PHF12: variants seen among roughly 807,000 people sequenced by gnomAD.
PHF12 encodes the protein PHD factor 1.
Under a neutral mutation model 99.8 loss-of-function variants are expected in PHF12, and 6 were observed. The observed-to-expected ratio is 0.06, with a 90% CI of 0.03 to 0.12. The LOEUF is 0.12. PHF12 is among the 10% of genes least tolerant of loss of function. The pLI is 1.00. For missense variants in PHF12, 954 were observed against 1,300.1 expected, an observed-to-expected ratio of 0.73 and a Z score of 4.09; for synonymous variants, 480 against 514.9, an observed-to-expected ratio of 0.93 and a Z score of 0.92.
Position 28,924,021 on chromosome 17 carries a change from A to G in PHF12, c.603T>C (p.Tyr201=), listed in dbSNP as rs2040219245. The change falls in exon 4 of 15, where the codon TAT becomes TAC. Residue 201 remains tyrosine, a synonymous_variant. Coordinates refer to ENST00000332830, the MANE Select transcript of PHF12 (RefSeq NM_001033561.2). The part of the protein sequence containing the change: ...DEEPVAAEPD[Y]VQPQLRRPFE... ...AGGGCCGCCTCAGCTGGGGCTGCAC[A>G]TAGTCTGGCTCCGCTGCTACTGGTT... 2.5e-6 allele frequency: 4 copies of G among 1,614,178 alleles called. No individual in the cohort carries two copies. Among genetic ancestry groups the G allele is most frequent in the East Asian group, 2.2e-5 (1 of 44,876 alleles).
intron 8 of PHF12, 100 bp downstream of exon 8, chr17:28,913,779 G>T: frequency 6.8e-7 from 1 of 1,472,634 alleles, no homozygotes; most frequent in Non-Finnish European, 9.2e-7. Flanking sequence ...GAGGGTGGGT[G>T]GGGACTGGAA....
At chr17:28,921,262 C>G (rs1598133527) in intron 5 of PHF12, among the ~76,000 whole-genome samples, 1 of 152,092 alleles carries the variant, frequency 6.6e-6, no homozygotes. Context: ...AGTTTAGCCT[C>G]CAGGGCTAAT....
chr17:28,941,112 G>A (rs535185125), intron 2 of PHF12, among the ~76,000 whole-genome samples: 40 of 151,032 alleles, frequency 2.6e-4, no homozygotes, highest in African/African-American at 9.3e-4. Context: ...ATTTCCAGGA[G>A]CTTGTGCTGC....
chr17:28,949,763 G>A lies in PHF12; in HGVS notation c.248+302C>T. On this transcript the variant is annotated intron_variant, in intron 2 of 14. Transcript: ENST00000332830. This position sits in a 1 kb window ranked among gnomAD's most constrained non-coding sequence, Gnocchi z 4.6. ...CCGGAGCTCCTCCCCTTCCTCCCCC[G>A]CCACTGCCGGCTGTCCCCGGCCGGC... 1 of 272,180 alleles carries A rather than the reference G, an allele frequency of 3.7e-6. No homozygotes were observed. The highest frequency in any genetic ancestry group is 2.2e-5 in the African/African-American group (1 of 45,202). 16.9% of individuals were successfully genotyped at this position (272,180 alleles called of 1,614,324 possible).
rs141854068 is a variant in PHF12, at chr17:28,929,103, A to AAAC, written c.249-2043_249-2041dup. ...AGAGTGAGACTCTGTCTCAAAAACA[A>AAAC]AACAACAACAACAACAACAAAAACC... On this transcript the variant is annotated intron_variant, in intron 2 of 14. Coordinates refer to ENST00000332830, the MANE Select transcript of PHF12 (RefSeq NM_001033561.2). 3.0e-3 allele frequency among the ~76,000 whole-genome samples: 459 copies of AAAC among 151,458 alleles called. 1 individual carries two copies. The highest frequency in any genetic ancestry group is 9.8e-3 in the African/African-American group (405 of 41,170).
chr17:28,947,085 G>C (rs1451349338), intron 2 of PHF12, among the ~76,000 whole-genome samples: 1 of 151,874 alleles, frequency 6.6e-6, no homozygotes, highest in African/African-American at 2.4e-5. Flanking sequence ...CTGGGTTCAA[G>C]TGATTCTCCT....
At chr17:28,919,876 G>GC (rs1310148788) in intron 5 of PHF12, among the ~76,000 whole-genome samples, 1 of 152,192 alleles carries the variant, frequency 6.6e-6, no homozygotes, top group Non-Finnish European at 1.5e-5. Flanking sequence ...TTGGAGTACA[G>GC]CTAAAGTGGC....
chr17:28,918,292 AT>A (rs1013834160), intron 6 of PHF12, among the ~76,000 whole-genome samples: 2 of 152,006 alleles, frequency 1.3e-5, no homozygotes. Context: ...GCTTATGGTC[AT>A]TTTTTTTCTG....
rs2040279236 is a variant in PHF12, at chr17:28,926,673, G to A, written c.321+318C>T. ...CTCCATTTTCCATCAAGCTGGAGAA[G>A]CAGCCTTTGTTTTTCAGCCATGGAT... On this transcript the variant is annotated intron_variant, in intron 3 of 14. Transcript: ENST00000332830. The A allele has an allele frequency of 3.6e-6, 3 of 826,562 alleles. No individual in the cohort carries two copies. The South Asian group carries it at 5.2e-5, about 14-fold the overall frequency. 51.2% of individuals were successfully genotyped at this position (826,562 alleles called of 1,614,324 possible).
rs764984131 is a variant in PHF12 at position 28,949,499 on chromosome 17, C to A, written c.248+566G>T. Among the ~76,000 whole-genome samples, 1 of 152,166 alleles carries A rather than the reference C, an allele frequency of 6.6e-6. No individual in the cohort carries two copies. Among genetic ancestry groups the A allele is most frequent in the Non-Finnish European group, 1.5e-5 (1 of 68,024 alleles). On this transcript the variant is annotated intron_variant, in intron 2 of 14. Coordinates refer to ENST00000332830, the MANE Select transcript of PHF12 (RefSeq NM_001033561.2). This position sits in a 1 kb window ranked among gnomAD's most constrained non-coding sequence, Gnocchi z 4.6. Reference sequence around the variant, plus strand: ...AATCATATATGCAGCCAAAATGGCGCTGAGAATAAAAATATAATTTAAAGG... The same window carrying A: ...AATCATATATGCAGCCAAAATGGCGATGAGAATAAAAATATAATTTAAAGG...
chr17:28,934,019 C>G (rs1278553117), intron 2 of PHF12, among the ~76,000 whole-genome samples: 2 of 152,164 alleles, frequency 1.3e-5, no homozygotes, highest in African/African-American at 4.8e-5. Context: ...TACACCCCAA[C>G]CTGGGCTTCA....
rs1311619444 is a variant in PHF12 at position 28,951,340 on chromosome 17, G to C, written c.-380C>G. ...GCTGGGGGTATCGGAGGGGGGGTGA[G>C]AGGTTACGTGAGGTTGTGGTACGTG... On this transcript the variant is annotated 5_prime_UTR_variant, in exon 1 of 15. Coordinates refer to ENST00000332830, the MANE Select transcript of PHF12 (RefSeq NM_001033561.2). 3 of 1,032,648 alleles carry C rather than the reference G, an allele frequency of 2.9e-6. No individual in the cohort carries two copies. In the East Asian group the frequency reaches 2.8e-4, roughly 97 times the overall value. The allele number at this position is 1,032,648 out of a possible 1,614,324, so 64.0% of individuals were successfully genotyped here.
intron 2 of PHF12, among the ~76,000 whole-genome samples, chr17:28,943,181 G>C (rs924106917): frequency 2.0e-5 from 3 of 152,202 alleles, no homozygotes; most frequent in Admixed American, 2.0e-4. Context: ...CAAGGAAGTG[G>C]AGAAATTAGA....
chr17:28,928,155 C>G (rs1215539580), intron 2 of PHF12: 1 of 152,232 alleles, frequency 6.6e-6, no homozygotes, highest in Admixed American at 6.5e-5. Context: ...AGCCAACACG[C>G]AGCAGCAACT....
intron 9 of PHF12, 178 bp downstream of exon 9, chr17:28,912,304 A>G: frequency 7.2e-7 from 1 of 1,392,518 alleles, no homozygotes; most frequent in South Asian, 1.7e-5. Flanking sequence ...AGTCCCATTT[A>G]TAAACGGGAC....
At chr17:28,930,548 T>G (rs915755123) in intron 2 of PHF12, among the ~76,000 whole-genome samples, 2 of 152,188 alleles carry the variant, frequency 1.3e-5, no homozygotes, top group Non-Finnish European at 2.9e-5. Flanking sequence ...TTACTTATGT[T>G]TTCTAAGTTA....
In PHF12 at chr17:28,951,502, C is replaced by G. The variant is rs1305461198; in HGVS notation, c.-542G>C. ...CGCAAAGCCACCCGCGCAGGCGCCC[C>G]GGGATCGGCGCTCGCCGCGCGCAAC... On this transcript the variant is annotated 5_prime_UTR_variant, in exon 1 of 15. Coordinates refer to ENST00000332830, the MANE Select transcript of PHF12 (RefSeq NM_001033561.2). 1 of 982,048 alleles carries G rather than the reference C, an allele frequency of 1.0e-6. No homozygotes were observed. Among genetic ancestry groups the G allele is most frequent in the Admixed American group, 6.2e-5 (1 of 16,034 alleles). 60.8% of individuals were successfully genotyped at this position (982,048 alleles called of 1,614,324 possible).
At chr17:28,912,159 G>A in intron 9 of PHF12, 1 of 1,154,504 alleles carries the variant, frequency 8.7e-7, no homozygotes, top group Non-Finnish European at 1.1e-6. Flanking sequence ...CTTTTAAGGT[G>A]ACAGAACAAA....
chr17:28,917,466 C>T lies in PHF12; in HGVS notation c.970-17G>A. The T allele has an allele frequency of 6.3e-7, 1 of 1,589,148 alleles. No homozygotes were observed. Among genetic ancestry groups the T allele is most frequent in the Non-Finnish European group, 8.6e-7 (1 of 1,166,308 alleles). On this transcript the variant is annotated splice_polypyrimidine_tract_variant and intron_variant, in intron 6 of 14. Transcript: ENST00000332830. Reference sequence around the variant, plus strand: ...CTGGTTCAGCTAGGGACAAAGCAGACACAACCTTGTGGTGAGCCTCAAAAG... The same window carrying T: ...CTGGTTCAGCTAGGGACAAAGCAGATACAACCTTGTGGTGAGCCTCAAAAG...
Sources: allele counts gnomAD v4.1 joint callset (sites outside exome capture counted in the v4.1 genomes callset), GRCh38; gene constraint gnomAD v4.1.1; non-coding constraint Gnocchi (gnomAD v3.1); transcripts MANE v1.5; gene names NCBI Gene and HGNC (gene_info 2026-07-23, HGNC 2026-07-21).